Variants in PHF24 observed in about 807,000 individuals in gnomAD.
The protein encoded by PHF24 is PHD finger protein 24.
PHF24 carries 25 observed loss-of-function variants against 42.6 expected under a neutral mutation model. The ratio of observed to expected loss-of-function variants is 0.59; its 90% CI spans 0.43 to 0.82. PHF24 has a LOEUF of 0.82. Ranked by LOEUF, PHF24 falls within the 40% of genes least tolerant of loss-of-function variation. The pLI is 0.00. For synonymous variants in PHF24, 185 were observed against 204.8 expected, an observed-to-expected ratio of 0.90 and a Z score of 0.83; for missense variants, 470 against 538.1, an observed-to-expected ratio of 0.87 and a Z score of 1.25.
At chr9:34,695,687 A>C in the PHF24 span, among the ~76,000 whole-genome samples, 1 of 152,196 alleles carries the variant, frequency 6.6e-6, no homozygotes, top group African/African-American at 2.4e-5. Context: ...TCTGGTGTCC[A>C]CTGAGGAACT....
the PHF24 span, among the ~76,000 whole-genome samples, chr9:34,821,622 C>T: frequency 7.9e-5 from 12 of 152,192 alleles, no homozygotes; most frequent in South Asian, 2.1e-4. Flanking sequence ...GGCTCTCTAA[C>T]GCCTGAGCCA....
chr9:34,889,258 G>A, the PHF24 span: 1 of 398,700 alleles, frequency 2.5e-6, no homozygotes, highest in Admixed American at 4.4e-5. Flanking sequence ...TAGATTTCCT[G>A]GTTGAGTGGC....
the PHF24 span, among the ~76,000 whole-genome samples, chr9:34,856,428 G>C: frequency 1.3e-4 from 20 of 152,156 alleles, no homozygotes; most frequent in Non-Finnish European, 2.9e-4. Flanking sequence ...CAGTCTTTGA[G>C]TTTGCTGACC....
chr9:34,897,467 C>G, the PHF24 span, among the ~76,000 whole-genome samples: 5 of 152,160 alleles, frequency 3.3e-5, no homozygotes, highest in Admixed American at 6.5e-5. Context: ...ATACAACCAT[C>G]TTATTCATAA....
chr9:34,669,822 G>T, the PHF24 span, among the ~76,000 whole-genome samples: 1 of 152,042 alleles, frequency 6.6e-6, no homozygotes, highest in Non-Finnish European at 1.5e-5. Flanking sequence ...TATTACTCAT[G>T]AGCCCCTTGG....
At chr9:34,919,648 A>C in the PHF24 span, among the ~76,000 whole-genome samples, 1 of 146,382 alleles carries the variant, frequency 6.8e-6, no homozygotes, top group African/African-American at 2.6e-5. Flanking sequence ...ATCAAATACT[A>C]GGTCTTATTC....
the PHF24 span, among the ~76,000 whole-genome samples, chr9:34,821,393 A>G: frequency 2.0e-5 from 3 of 152,028 alleles, no homozygotes. Context: ...GTAATGTGTC[A>G]TTTTGGACGA....
chr9:34,926,270 C>A, the PHF24 span, among the ~76,000 whole-genome samples: 1 of 152,210 alleles, frequency 6.6e-6, no homozygotes, highest in African/African-American at 2.4e-5. This position sits in a 1 kb window ranked among gnomAD's most constrained non-coding sequence, Gnocchi z 4.3. Flanking sequence ...GTTATTTGGC[C>A]ACCCTGGGGA....
the PHF24 span, among the ~76,000 whole-genome samples, chr9:34,719,975 C>T: frequency 1.3e-5 from 2 of 152,230 alleles, no homozygotes; most frequent in Non-Finnish European, 2.9e-5. Flanking sequence ...AGAGCAGGGA[C>T]ATATCCATGT....
the PHF24 span, among the ~76,000 whole-genome samples, chr9:34,776,023 TA>T: frequency 9.2e-5 from 14 of 152,184 alleles, no homozygotes; most frequent in Admixed American, 7.2e-4. Flanking sequence ...TCCACTTATA[TA>T]AAATGTCCAG....
At chr9:34,869,452 T>A in the PHF24 span, among the ~76,000 whole-genome samples, 1 of 152,220 alleles carries the variant, frequency 6.6e-6, no homozygotes, top group Admixed American at 6.5e-5. Flanking sequence ...TGATTCTGAC[T>A]GACGTGAGAT....
chr9:34,691,134 G>C, the PHF24 span: 1 of 1,613,446 alleles, frequency 6.2e-7, no homozygotes, highest in African/African-American at 1.3e-5. Context: ...CCAGTAGCAG[G>C]GCCATGGAGG....
At chr9:34,700,376 A>G in the PHF24 span, among the ~76,000 whole-genome samples, 2 of 152,138 alleles carry the variant, frequency 1.3e-5, no homozygotes, top group African/African-American at 2.4e-5. Flanking sequence ...TGGTGCATGG[A>G]GTTGGTGAGA....
the PHF24 span, among the ~76,000 whole-genome samples, chr9:34,666,509 G>C: frequency 6.6e-6 from 1 of 151,236 alleles, no homozygotes; most frequent in Non-Finnish European, 1.5e-5. Context: ...ATGGCCGGAG[G>C]GTCATTGCCC....
the PHF24 span, among the ~76,000 whole-genome samples, chr9:34,744,363 C>T: frequency 6.6e-6 from 1 of 152,184 alleles, no homozygotes; most frequent in South Asian, 2.1e-4. Flanking sequence ...GCACAAAAAT[C>T]ATAGAGCTGT....
the PHF24 span, among the ~76,000 whole-genome samples, chr9:34,764,673 A>C: frequency 2.0e-5 from 3 of 151,940 alleles, no homozygotes; most frequent in African/African-American, 7.3e-5. Flanking sequence ...TAATTTTTTG[A>C]AGGGTTTTTT....
the PHF24 span, among the ~76,000 whole-genome samples, chr9:34,931,442 T>C: frequency 2.3e-5 from 3 of 133,092 alleles, no homozygotes; most frequent in South Asian, 2.4e-4. Context: ...TGGAAGGGGG[T>C]TGAGGGATAA....
At chr9:34,846,817 T>C in the PHF24 span, among the ~76,000 whole-genome samples, 1 of 152,218 alleles carries the variant, frequency 6.6e-6, no homozygotes, top group Non-Finnish European at 1.5e-5. Context: ...TTTCTACATA[T>C]GGCTAGCCAG....
the PHF24 span, among the ~76,000 whole-genome samples, chr9:34,728,953 T>C: frequency 6.6e-6 from 1 of 152,114 alleles, no homozygotes; most frequent in Admixed American, 6.6e-5. Context: ...AAAGGGTAAA[T>C]GGTTCTAACA....
Sources: gnomAD v4.1 joint callset for allele counts (sites outside exome capture counted in the v4.1 genomes callset) on GRCh38, gnomAD v4.1.1 for gene constraint, Gnocchi (gnomAD v3.1) non-coding constraint, MANE v1.5 for transcripts, NCBI Gene and HGNC (gene_info 2026-07-23, HGNC 2026-07-21) for gene names.